Variants in RAPGEF6 observed in about 807,000 individuals in gnomAD.
RAPGEF6 encodes Rap guanine nucleotide exchange factor 6, also known as PDZ domain containing guanine nucleotide exchange factor (GEF) 2.
Under a neutral mutation model 171.4 loss-of-function variants are expected in RAPGEF6, and 56 were observed. That is an observed-to-expected ratio of 0.33 (90% CI 0.26 to 0.41). The LOEUF (loss-of-function observed/expected upper bound fraction) is 0.41. Among genes scored for constraint, RAPGEF6 ranks in the 10% least tolerant of loss-of-function variants. The probability of loss-of-function intolerance (pLI) is 1.00; values close to 1 mark genes in which losing one functional copy is unlikely to be tolerated. For missense variants in RAPGEF6, 1,674 were observed against 1,921.4 expected (o/e 0.87, Z 2.41); for synonymous variants, 692 against 650.1 (o/e 1.06, Z -0.98).
At chr5:131,592,628 C>T (rs1763661028) in intron 3 of RAPGEF6, among the ~76,000 whole-genome samples, 162 bp from the exon 4 acceptor site, 1 of 152,178 alleles carries the variant, frequency 6.6e-6, no homozygotes, top group Admixed American at 6.5e-5. Flanking sequence ...AGGTTTTATA[C>T]AGACCACGTT....
chr5:131,476,822 G>A (rs998005330), intron 16 of RAPGEF6, among the ~76,000 whole-genome samples: 7 of 152,080 alleles, frequency 4.6e-5, no homozygotes, highest in African/African-American at 9.7e-5. Context: ...GTGAGGCACC[G>A]TGCCCAGCCA....
chr5:131,613,254 C>T (rs184234026), intron 1 of RAPGEF6, among the ~76,000 whole-genome samples: 48 of 152,270 alleles, frequency 3.2e-4, no homozygotes, highest in Non-Finnish European at 2.5e-4. Flanking sequence ...ACTAAACATA[C>T]AAAGAATTAG....
chr5:131,496,219 T>G (rs886375557), intron 12 of RAPGEF6, among the ~76,000 whole-genome samples: 1 of 152,168 alleles, frequency 6.6e-6, no homozygotes, highest in African/African-American at 2.4e-5. Flanking sequence ...ATCTGAAACT[T>G]CTTTCATTAT....
At position 131,592,481 on chromosome 5, in the gene RAPGEF6, A is replaced by G. The variant is rs773471329; in HGVS notation, c.198-15T>C. 1 of 1,609,510 alleles carries G rather than the reference A, an allele frequency of 6.2e-7. No homozygotes were observed. ...TCGTTTCTGAACTGTTTAAATAAAT[A>G]AGTAAATAAATGAGCAAAACAACAC... On this transcript the variant is annotated splice_polypyrimidine_tract_variant and intron_variant, in intron 3 of 27. Transcript: ENST00000509018.
chr5:131,621,093 G>A (rs1271028956), intron 1 of RAPGEF6, among the ~76,000 whole-genome samples: 3 of 152,082 alleles, frequency 2.0e-5, no homozygotes, highest in Non-Finnish European at 2.9e-5. Context: ...CTGTGGCCTT[G>A]GCATATGCTG....
At chr5:131,594,000 G>T (rs1284937530) in intron 3 of RAPGEF6, among the ~76,000 whole-genome samples, 3 of 152,188 alleles carry the variant, frequency 2.0e-5, no homozygotes, top group Admixed American at 6.5e-5. Flanking sequence ...CACAAAAGGA[G>T]CCAAATGTTA....
chr5:131,467,539 G>A (rs545055027), intron 17 of RAPGEF6, among the ~76,000 whole-genome samples: 12 of 152,268 alleles, frequency 7.9e-5, no homozygotes, highest in African/African-American at 2.6e-4. Flanking sequence ...TTGTTAGTAG[G>A]AAAACCACAT....
intron 13 of RAPGEF6, among the ~76,000 whole-genome samples, chr5:131,495,004 A>G (rs536610479): frequency 2.0e-5 from 3 of 152,168 alleles, no homozygotes; most frequent in Non-Finnish European, 4.4e-5. Flanking sequence ...CAGAAATGGA[A>G]GATTTGGGCC....
In RAPGEF6 at chr5:131,504,735, T is replaced by C; in HGVS notation, c.1145A>G (p.His382Arg). The change falls in exon 11 of 28, where the codon CAT becomes CGT. Residue 382 changes from histidine to arginine, a missense_variant. Coordinates refer to ENST00000509018, the MANE Select transcript of RAPGEF6 (RefSeq NM_016340.6). The part of the protein sequence containing the change: ...AQQDYWRILN[H>R]VEKNTHKVEE... ...AACTTTATGGGTATTTTTTTCCACATGGTTTAAAATTCTCCAATAATCTTG... is the reference window on the plus strand; with the variant it reads ...AACTTTATGGGTATTTTTTTCCACACGGTTTAAAATTCTCCAATAATCTTG... 6.2e-7 allele frequency: 1 copy of C among 1,613,828 alleles called. No homozygotes were observed. The highest frequency in any genetic ancestry group is 8.5e-7 in the Non-Finnish European group (1 of 1,179,888).
chr5:131,538,105 C>A (rs1281215737), intron 6 of RAPGEF6, among the ~76,000 whole-genome samples: 3 of 151,978 alleles, frequency 2.0e-5, no homozygotes, highest in East Asian at 1.9e-4. Flanking sequence ...ACCTAAAAAA[C>A]CAAAAACAAA....
chr5:131,595,537 A>G (rs951824500), intron 3 of RAPGEF6, among the ~76,000 whole-genome samples: 29 of 152,216 alleles, frequency 1.9e-4, no homozygotes, highest in Admixed American at 6.5e-5. Flanking sequence ...TCTTTATGCT[A>G]GCTCTATAGT....
At chr5:131,428,745 A>C (rs925464477) in intron 27 of RAPGEF6, among the ~76,000 whole-genome samples, 157 bp downstream of exon 27, 3 of 152,134 alleles carry the variant, frequency 2.0e-5, no homozygotes, top group African/African-American at 7.2e-5. Flanking sequence ...TACAGGTGTG[A>C]GCCACTGCAC....
intron 1 of RAPGEF6, among the ~76,000 whole-genome samples, chr5:131,611,708 T>C (rs1367165617): frequency 1.3e-5 from 2 of 152,150 alleles, no homozygotes; most frequent in Non-Finnish European, 2.9e-5. Flanking sequence ...GGCTTTTTGG[T>C]TTATTGCTGG....
In RAPGEF6 at chr5:131,442,567, T is replaced by A. The variant is rs747142432; in HGVS notation, c.3422-30A>T. The stretch of plus-strand genomic sequence containing the variant: ...CAGGAGAGAGTAAGAAATAAGTAAC[T>A]GCACGTTTTTAGGCAAGGTTATCAC... On this transcript the variant is annotated intron_variant, in intron 22 of 27. Transcript: ENST00000509018. 3.7e-6 allele frequency: 6 copies of A among 1,608,934 alleles called. No individual in the cohort carries two copies. The Admixed American group carries it at 8.4e-5, about 23-fold the overall frequency.
At chr5:131,600,140 C>T (rs570006635) in intron 3 of RAPGEF6, among the ~76,000 whole-genome samples, 11 of 152,176 alleles carry the variant, frequency 7.2e-5, no homozygotes, top group African/African-American at 2.2e-4. Flanking sequence ...TATGACAATC[C>T]GATTAATGTC....
In RAPGEF6 at chr5:131,424,542, C is replaced by T. The variant is rs753268425; in HGVS notation, c.*2724G>A. On this transcript the variant is annotated 3_prime_UTR_variant, in exon 28 of 28. Transcript: ENST00000509018. ...TAAAAATTAGATTTGTTCTTAAAAA[C>T]ACCCATGATTACCATCACATTTTCA... is the stretch of plus-strand genomic sequence containing the variant. The T allele has an allele frequency of 6.6e-6, 1 of 152,256 alleles. No homozygotes were observed. Among genetic ancestry groups the T allele is most frequent in the Non-Finnish European group, 1.5e-5 (1 of 68,020 alleles). The allele number at this position is 152,256 out of a possible 1,614,324, so 9.4% of individuals were successfully genotyped here.
intron 5 of RAPGEF6, among the ~76,000 whole-genome samples, chr5:131,551,171 T>C (rs902493779): frequency 6.6e-6 from 1 of 152,154 alleles, no homozygotes; most frequent in African/African-American, 2.4e-5. Context: ...AATAACCCTA[T>C]TACATAGCTA....
At chr5:131,554,951 G>A (rs1014749187) in intron 5 of RAPGEF6, among the ~76,000 whole-genome samples, 1 of 151,836 alleles carries the variant, frequency 6.6e-6, no homozygotes, top group Non-Finnish European at 1.5e-5. Flanking sequence ...AAAAAGAGGG[G>A]AAAAAACAAG....
intron 4 of RAPGEF6, among the ~76,000 whole-genome samples, chr5:131,565,507 T>C (rs556875722): frequency 6.6e-6 from 1 of 152,270 alleles, no homozygotes; most frequent in African/African-American, 2.4e-5. Context: ...GACCCTAAAA[T>C]TTACATGGAA....
Sources: allele counts gnomAD v4.1 joint callset (sites outside exome capture counted in the v4.1 genomes callset), GRCh38; gene constraint gnomAD v4.1.1; transcripts MANE v1.5; gene names NCBI Gene and HGNC (gene_info 2026-07-23, HGNC 2026-07-21).